Variants in ROS1 observed in about 807,000 individuals in gnomAD.
The protein encoded by ROS1 is ROS proto-oncogene 1, receptor tyrosine kinase, also known as proto-oncogene tyrosine-protein kinase ROS.
In ROS1, 263 loss-of-function variants were observed where a neutral mutation model predicts 273.5. The ratio of observed to expected loss-of-function variants is 0.96; its 90% confidence interval spans 0.87 to 1.06. ROS1 has a LOEUF of 1.06. ROS1 is among the 50% of genes least tolerant of loss of function. The pLI, the probability that ROS1 is intolerant of heterozygous loss-of-function variation, is 0.00. For synonymous variants in ROS1, 1,008 were observed against 954.1 expected, an observed-to-expected ratio of 1.06 and a Z score of -1.04; for missense variants, 2,833 against 2,751.1, an observed-to-expected ratio of 1.03 and a Z score of -0.67.
Position 117,365,517 on chromosome 6 carries a change from G to A in ROS1, c.2958+64C>T, listed in dbSNP as rs879495847. ...GTCAAGATGATACAGGTCAGTGTGG[G>A]CAAGGCTGACACAGATGGTACAGTC... On this transcript the variant is annotated intron_variant, in intron 20 of 43. Coordinates refer to ENST00000368507, the MANE Select transcript of ROS1 (RefSeq NM_001378902.1). 1.2e-4 allele frequency: 167 copies of A among 1,387,270 alleles called. No homozygotes were observed. In the Admixed American group the frequency reaches 2.8e-3, roughly 23 times the overall value. 85.9% of individuals were successfully genotyped at this position (1,387,270 alleles called of 1,614,324 possible).
intron 43 of ROS1, among the ~76,000 whole-genome samples, chr6:117,295,071 T>C (rs543122603): frequency 4.6e-5 from 7 of 152,284 alleles, no homozygotes; most frequent in Admixed American, 2.0e-4. Context: ...TACAGACCTA[T>C]AGTAACCAAA....
chr6:117,353,043 G>C lies in ROS1; in HGVS notation c.4250C>G (p.Ala1417Gly), dbSNP rs1418282255. 6.2e-7 allele frequency: 1 copy of C among 1,614,022 alleles called. No individual in the cohort carries two copies. Among genetic ancestry groups the C allele is most frequent in the Non-Finnish European group, 8.5e-7 (1 of 1,180,014 alleles). Residue 1417 changes from alanine (A) to glycine (G), a missense_variant, in exon 27 of 44, where the codon GCC (alanine) becomes GGC (glycine). Transcript: ENST00000368507. ...AGCCAAGATATGCCTACTCCTTAGG[G>C]CCTTCACCTGGGAAACGATGGCCCC... ...GNGAIVSQVKALRSRHILAYS... is the reference protein window; with the variant it reads ...GNGAIVSQVKGLRSRHILAYS...
At chr6:117,335,278 A>C (rs1430142879) in intron 32 of ROS1, among the ~76,000 whole-genome samples, 1 of 152,192 alleles carries the variant, frequency 6.6e-6, no homozygotes, top group Non-Finnish European at 1.5e-5. Flanking sequence ...ACAAATCAAA[A>C]CTACAATGAG....
At chr6:117,411,826 C>G (rs568804216) in intron 4 of ROS1, among the ~76,000 whole-genome samples, 1 of 152,186 alleles carries the variant, frequency 6.6e-6, no homozygotes, top group Non-Finnish European at 1.5e-5. Context: ...GTTAAACTCC[C>G]TGCCTTACAG....
At chr6:117,385,995 G>A (rs1314837604) in intron 15 of ROS1, 134 bp from the exon 16 acceptor site, 2 of 692,644 alleles carry the variant, frequency 2.9e-6, no homozygotes, top group African/African-American at 1.8e-5. Flanking sequence ...AACTTGATCT[G>A]TCAAGAATAT....
chr6:117,305,615 A>G (rs1582564841), intron 42 of ROS1, among the ~76,000 whole-genome samples: 1 of 152,208 alleles, frequency 6.6e-6, no homozygotes. Flanking sequence ...AAGAGGAGCT[A>G]TATAAGCAAC....
chr6:117,326,202 G>A (rs1776634962), intron 34 of ROS1, 22 bp downstream of exon 34: 3 of 1,509,548 alleles, frequency 2.0e-6, no homozygotes, highest in Non-Finnish European at 2.7e-6. Context: ...AAGCTAGTGT[G>A]TAGACAGACA....
intron 33 of ROS1, among the ~76,000 whole-genome samples, chr6:117,327,680 C>T (rs1241150771): frequency 1.3e-5 from 2 of 152,196 alleles, no homozygotes; most frequent in South Asian, 2.1e-4. Flanking sequence ...GGTTTGTGTA[C>T]TGGATTGAGT....
chr6:117,410,042 T>C (rs1324726289), intron 4 of ROS1, among the ~76,000 whole-genome samples: 1 of 152,240 alleles, frequency 6.6e-6, no homozygotes, highest in Non-Finnish European at 1.5e-5. Flanking sequence ...TCAGTGCTGT[T>C]AGAATATTCA....
At chr6:117,358,415 C>T (rs954946422) in intron 24 of ROS1, among the ~76,000 whole-genome samples, 3 of 152,072 alleles carry the variant, frequency 2.0e-5, no homozygotes, top group Non-Finnish European at 2.9e-5. Flanking sequence ...CTAATCCTGA[C>T]AAATATGGTC....
At chr6:117,293,685 T>TTG (rs2128526283) in intron 43 of ROS1, among the ~76,000 whole-genome samples, 1 of 151,802 alleles carries the variant, frequency 6.6e-6, no homozygotes, top group African/African-American at 2.4e-5. Context: ...ACAAGAAAAA[T>TTG]AGAAAGGAAT....
At chr6:117,313,611 T>G (rs918464030) in intron 39 of ROS1, among the ~76,000 whole-genome samples, 1 of 151,828 alleles carries the variant, frequency 6.6e-6, no homozygotes, top group Non-Finnish European at 1.5e-5. Context: ...AGGAAGCTTT[T>G]GATTCAATAT....
intron 12 of ROS1, among the ~76,000 whole-genome samples, chr6:117,392,692 C>A (rs1773162592): frequency 1.3e-5 from 2 of 152,172 alleles, no homozygotes. Context: ...GACTGCGGTA[C>A]AATGTGTCCA....
chr6:117,318,918 A>C (rs894613791), intron 37 of ROS1, among the ~76,000 whole-genome samples: 31 of 152,150 alleles, frequency 2.0e-4, no homozygotes, highest in Non-Finnish European at 1.0e-4. Flanking sequence ...ACTGGCTCTG[A>C]CCTGACACAC....
In ROS1 at chr6:117,313,039, A is replaced by C. The variant is rs75857951; in HGVS notation, c.6118-1922T>G. ...AATGAGTCCACCTACTTCCTACTTT[A>C]AGTGGATTATTTAGGTATCTGTAGA... On this transcript the variant is annotated intron_variant, in intron 39 of 43. Transcript: ENST00000368507. Among the ~76,000 whole-genome samples the C allele has an allele frequency of 5.4e-3, 816 of 152,154 alleles. 5 individuals are homozygous for C. Among genetic ancestry groups the C allele is most frequent in the African/African-American group, 0.018 (765 of 41,514 alleles).
In ROS1 at chr6:117,356,615, C is replaced by G. The variant is rs759947738; in HGVS notation, c.4126+14G>C. ...TTATTAACAAATATCTGTGCACATA[C>G]ATCAGCATCTTACCGAGCATAGCAG... On this transcript the variant is annotated intron_variant, in intron 26 of 43. Transcript: ENST00000368507. 6.2e-7 allele frequency: 1 copy of G among 1,602,800 alleles called. No homozygotes were observed. Among genetic ancestry groups the G allele is most frequent in the Non-Finnish European group, 8.5e-7 (1 of 1,172,618 alleles).
intron 1 of ROS1, among the ~76,000 whole-genome samples, chr6:117,423,081 G>A (rs371529378): frequency 1.3e-5 from 2 of 152,070 alleles, no homozygotes; most frequent in Non-Finnish European, 2.9e-5. Context: ...AACATCGTAT[G>A]TTCTCACTGA....
chr6:117,324,551 T>C (rs527253318), intron 34 of ROS1, 136 bp from the exon 35 acceptor site: 3 of 563,786 alleles, frequency 5.3e-6, no homozygotes, highest in African/African-American at 3.9e-5. Context: ...AGACCGTTGG[T>C]AGCTTGAAAG....
chr6:117,337,180 T>C lies in ROS1; in HGVS notation c.5222A>G (p.Lys1741Arg). 1 of 1,611,856 alleles carries C rather than the reference T, an allele frequency of 6.2e-7. No homozygotes were observed. Among genetic ancestry groups the C allele is most frequent in the Non-Finnish European group, 8.5e-7 (1 of 1,178,678 alleles). ...ENSTSLPESF[K>R]TKAGVPNKPG... ...AGTATGTTAGTACTCACCTTTTGTC[T>C]TAAAGCTTTCTGGAAGTGAGGTGCT... Residue 1741 changes from lysine to arginine, a missense_variant, in exon 32 of 44, where the codon AAG (lysine) becomes AGG (arginine). By Grantham distance (26) the Lys-to-Arg change is conservative. Transcript: ENST00000368507.
Sources: allele counts gnomAD v4.1 joint callset (sites outside exome capture counted in the v4.1 genomes callset), GRCh38; gene constraint gnomAD v4.1.1; transcripts MANE v1.5; gene names NCBI Gene and HGNC (gene_info 2026-07-23, HGNC 2026-07-21).